LSG1: variants seen among roughly 807,000 people sequenced by gnomAD.
LSG1 encodes large subunit GTPase 1 homolog.
In LSG1, 55 loss-of-function variants were observed where a neutral mutation model predicts 82.6. That is an observed-to-expected ratio of 0.67 (90% CI 0.54 to 0.83). The LOEUF (loss-of-function observed/expected upper bound fraction) is 0.83. Ranked by LOEUF, LSG1 falls within the 40% of genes least tolerant of loss-of-function variation. The pLI is 0.00. For missense variants in LSG1, 809 were observed against 807.9 expected (o/e 1.00, Z -0.02); for synonymous variants, 272 against 282.5 (o/e 0.96, Z 0.37).
intron 5 of LSG1, chr3:194,660,720 G>C (rs923497724): frequency 6.2e-6 from 2 of 320,222 alleles, no homozygotes; most frequent in African/African-American, 4.3e-5. Context: ...ATGGCAAAAA[G>C]AGAAAACAGG....
chr3:194,659,900 A>G (rs1718886309), intron 6 of LSG1, among the ~76,000 whole-genome samples, 173 bp downstream of exon 6: 1 of 152,244 alleles, frequency 6.6e-6, no homozygotes, highest in South Asian at 2.1e-4. Context: ...TGTTTGAGAA[A>G]ACATCTGTCT....
rs766433714 is a variant in LSG1 at position 194,666,228 on chromosome 3, GA to G, written c.408del (p.Leu137Ter). The G allele has an allele frequency of 6.2e-7, 1 of 1,614,100 alleles. No individual in the cohort carries two copies. Among genetic ancestry groups the G allele is most frequent in the Admixed American group, 1.7e-5 (1 of 60,016 alleles). Reference sequence around the variant, plus strand: ...CGGACAAGCTGACGTCTCCATTCTAGAAAGTTATCTTTCTCTGCTTGTTTGA... The same window carrying G: ...CGGACAAGCTGACGTCTCCATTCTAGAAGTTATCTTTCTCTGCTTGTTTGA... Reference protein sequence around the residue: ...EELKQAEKDNFLEWRRQLVRL... With the variant: ...EELKQAEKDNXLEWRRQLVRL... On this transcript the variant is annotated frameshift_variant, in exon 4 of 14. Transcript: ENST00000265245. LOFTEE classifies it high-confidence loss of function.
At chr3:194,660,968 C>G in intron 5 of LSG1, 1 of 451,436 alleles carries the variant, frequency 2.2e-6, no homozygotes, top group Non-Finnish European at 4.4e-6. Context: ...TAAAGGCCCA[C>G]CGTGACTGCC....
At chr3:194,664,326 T>A (rs967480154) in intron 5 of LSG1, among the ~76,000 whole-genome samples, 1 of 152,174 alleles carries the variant, frequency 6.6e-6, no homozygotes, top group African/African-American at 2.4e-5. Context: ...TTCTGTTTCC[T>A]AGTGTTCTTA....
chr3:194,652,577 A>T, intron 8 of LSG1, 152 bp downstream of exon 8: 2 of 782,980 alleles, frequency 2.6e-6, no homozygotes, highest in Non-Finnish European at 2.0e-6. Flanking sequence ...TGTCTATCCC[A>T]CTGCCTAATC....
chr3:194,659,380 C>T (rs910239058), intron 6 of LSG1, among the ~76,000 whole-genome samples: 1 of 152,176 alleles, frequency 6.6e-6, no homozygotes, highest in Non-Finnish European at 1.5e-5. Context: ...TGGGGGCTCA[C>T]GCCTGTAATT....
intron 10 of LSG1, 46 bp from the exon 11 acceptor site, chr3:194,648,850 C>A (rs3821402): frequency 0.16 from 257,448 of 1,606,482 alleles, 21,971 homozygotes; most frequent in South Asian, 0.27. Flanking sequence ...TCCCTCCTCC[C>A]CATGGCATAC....
At chr3:194,668,693 T>G (rs1333387773) in intron 2 of LSG1, among the ~76,000 whole-genome samples, 1 of 152,208 alleles carries the variant, frequency 6.6e-6, no homozygotes, top group Non-Finnish European at 1.5e-5. Flanking sequence ...TCCTTAAAAT[T>G]CATCAGTGAT....
At chr3:194,665,078 G>A (rs947317261) in intron 5 of LSG1, among the ~76,000 whole-genome samples, 3 of 152,116 alleles carry the variant, frequency 2.0e-5, no homozygotes, top group African/African-American at 4.8e-5. Context: ...ATTTCACTAC[G>A]TATTAAGTTT....
Position 194,672,115 on chromosome 3 carries a change from A to G in LSG1, c.48T>C (p.Leu16=), listed in dbSNP as rs915678450. 18 of 1,609,042 alleles carry G rather than the reference A, an allele frequency of 1.1e-5. No homozygotes were observed. Among genetic ancestry groups the G allele is most frequent in the Middle Eastern group, 1.6e-4 (1 of 6,084 alleles). ...GGCTCCGCTGAGTCTGATGGCGCAT[A>G]AGGGCCCGTCCCAGCGACCCACCGG... ...APAGGSLGRA[L]MRHQTQRSRS... Residue 16 remains leucine (L), a synonymous_variant, in exon 1 of 14, where the codon CTT becomes CTC. Transcript: ENST00000265245.
intron 7 of LSG1, among the ~76,000 whole-genome samples, 163 bp downstream of exon 7, chr3:194,658,794 C>T (rs756192181): frequency 6.6e-6 from 1 of 152,200 alleles, no homozygotes; most frequent in Non-Finnish European, 1.5e-5. Context: ...GAGAAAGTAA[C>T]TTTGTGATTC....
At position 194,641,845 on chromosome 3, in the gene LSG1, C is replaced by G. The variant is rs948981091; in HGVS notation, c.*223G>C. 2.3e-6 allele frequency: 1 copy of G among 428,912 alleles called. No individual in the cohort carries two copies. The highest frequency in any genetic ancestry group is 4.1e-6 in the Non-Finnish European group (1 of 244,846). 26.6% of individuals were successfully genotyped at this position (428,912 alleles called of 1,614,324 possible). A position where few individuals can be genotyped will look rare whatever the true frequency, so the allele number is the denominator to read the frequency against. On this transcript the variant is annotated 3_prime_UTR_variant, in exon 14 of 14. Coordinates refer to ENST00000265245, the MANE Select transcript of LSG1 (RefSeq NM_018385.3). ...TGGTGCGTGAGCCACTGTGCCCGGC[C>G]AGGAGTAGGATTCTCGGGCTCCCAG... is the stretch of plus-strand genomic sequence containing the variant.
chr3:194,664,050 G>A (rs951864577), intron 5 of LSG1, among the ~76,000 whole-genome samples: 8 of 152,154 alleles, frequency 5.3e-5, no homozygotes, highest in Non-Finnish European at 5.9e-5. Flanking sequence ...TCGGCTCACT[G>A]CAACCTCCAC....
intron 13 of LSG1, 55 bp from the exon 14 acceptor site, chr3:194,642,302 A>G (rs1320326555): frequency 1.3e-6 from 2 of 1,489,568 alleles, no homozygotes; most frequent in Admixed American, 3.8e-5. Flanking sequence ...CCTTTAAGGG[A>G]TATGCACAGT....
chr3:194,652,644 T>G, intron 8 of LSG1, 85 bp downstream of exon 8: 2 of 1,426,950 alleles, frequency 1.4e-6, no homozygotes, highest in Non-Finnish European at 1.9e-6. Flanking sequence ...GGAAGCCTGG[T>G]TGGTCTTTGG....
chr3:194,652,124 C>T (rs972370549), intron 8 of LSG1, among the ~76,000 whole-genome samples: 2 of 152,152 alleles, frequency 1.3e-5, no homozygotes, highest in Non-Finnish European at 1.5e-5. Context: ...ATAATCAATA[C>T]CTTCTCTAAC....
chr3:194,647,163 TA>T (rs536548515), intron 11 of LSG1, among the ~76,000 whole-genome samples: 1 of 152,254 alleles, frequency 6.6e-6, no homozygotes, highest in South Asian at 2.1e-4. Flanking sequence ...GTTAAAAAAG[TA>T]AGTAAATATT....
At position 194,646,163 on chromosome 3, in the gene LSG1, C is replaced by G. The variant is rs769272737; in HGVS notation, c.1623+1G>C. ...GAGCATGAGAGGCAGGGTTCACTTA[C>G]ACTGACATAGTCCTTCAGGATGTAG... is the stretch of plus-strand genomic sequence containing the variant. On this transcript the variant is annotated splice_donor_variant, in intron 12 of 13. Transcript: ENST00000265245. LOFTEE classifies it high-confidence loss of function. 1 of 1,613,636 alleles carries G rather than the reference C, an allele frequency of 6.2e-7. No individual in the cohort carries two copies. Among genetic ancestry groups the G allele is most frequent in the African/African-American group, 1.3e-5 (1 of 74,932 alleles).
intron 2 of LSG1, among the ~76,000 whole-genome samples, chr3:194,667,537 T>C (rs962444808): frequency 8.5e-5 from 13 of 152,136 alleles, no homozygotes; most frequent in Non-Finnish European, 1.6e-4. Flanking sequence ...ATTCCTTGAT[T>C]TCCTCACCTC....
Sources: allele counts gnomAD v4.1 joint callset (sites outside exome capture counted in the v4.1 genomes callset), GRCh38; gene constraint gnomAD v4.1.1; transcripts MANE v1.5; gene names NCBI Gene and HGNC (gene_info 2026-07-23, HGNC 2026-07-21).